The following MYO5A variants were observed in gnomAD, a reference collection of about 807,000 sequenced individuals.
MYO5A encodes myosin VA, also known as unconventional myosin-Va.
MYO5A carries 98 observed loss-of-function variants against 249.7 expected under a neutral mutation model. The ratio of observed to expected loss-of-function variants is 0.39; its 90% CI spans 0.33 to 0.46. The LOEUF is 0.46. Ranked by LOEUF, MYO5A falls within the 20% of genes least tolerant of loss-of-function variation. MYO5A has a pLI of 0.98. For synonymous variants in MYO5A, 778 were observed against 810.6 expected, an observed-to-expected ratio of 0.96 and a Z score of 0.68; for missense variants, 1,696 against 2,308.8, an observed-to-expected ratio of 0.73 and a Z score of 5.44.
intron 1 of MYO5A, among the ~76,000 whole-genome samples, chr15:52,436,705 T>C (rs2075670857): frequency 6.6e-6 from 1 of 152,256 alleles, no homozygotes; most frequent in African/African-American, 2.4e-5. Flanking sequence ...GACACAGAGC[T>C]GGTGCTTAGT....
intron 33 of MYO5A, 89 bp from the exon 34 acceptor site, chr15:52,336,645 C>A (rs932150575): frequency 9.8e-6 from 10 of 1,022,646 alleles, no homozygotes; most frequent in Non-Finnish European, 1.3e-5. Flanking sequence ...ATCACAGAAA[C>A]AACACGTTAG....
chr15:52,396,243 G>A, intron 11 of MYO5A, 73 bp downstream of exon 11: 2 of 924,722 alleles, frequency 2.2e-6, no homozygotes, highest in Non-Finnish European at 3.4e-6. Flanking sequence ...CCAGGGATAA[G>A]CTTTTAAACA....
Position 52,528,874 on chromosome 15 carries a change from G to C in MYO5A, c.-68C>G. 2 of 1,403,648 alleles carry C rather than the reference G, an allele frequency of 1.4e-6. No homozygotes were observed. Among genetic ancestry groups the C allele is most frequent in the Non-Finnish European group, 1.9e-6 (2 of 1,080,820 alleles). The allele number at this position is 1,403,648 out of a possible 1,614,324, so 86.9% of individuals were successfully genotyped here. The stretch of plus-strand genomic sequence containing the variant: ...GCACCTCGCCTGGGCGGCCGCCCGA[G>C]CGGACTAGGAAGCGCCCGCAGCCGC... On this transcript the variant is annotated 5_prime_UTR_variant, in exon 1 of 42. Transcript: ENST00000399233.
intron 1 of MYO5A, among the ~76,000 whole-genome samples, chr15:52,497,617 C>T (rs1361114586): frequency 2.0e-5 from 3 of 150,526 alleles, no homozygotes; most frequent in African/African-American, 4.9e-5. Flanking sequence ...ATTAGCCGGG[C>T]GTGGCAGTGT....
At position 52,504,055 on chromosome 15, in the gene MYO5A, T is replaced by TCCC. The variant is rs55986422; in HGVS notation, c.27+24724_27+24725insGGG. 2.1e-3 allele frequency among the ~76,000 whole-genome samples: 76 copies of TCCC among 35,576 alleles called. 1 individual carries two copies. The highest frequency in any genetic ancestry group is 0.018 in the South Asian group (32 of 1,770). 23.3% of individuals were successfully genotyped at this position (35,576 alleles called of 152,430 possible). On this transcript the variant is annotated intron_variant, in intron 1 of 41. Coordinates refer to ENST00000399233, the MANE Select transcript of MYO5A (RefSeq NM_001382347.1). The stretch of plus-strand genomic sequence containing the variant: ...AGGCTGTTGCTGCTGTTTCTCCTTC[T>TCCC]TTTTTTTTTTTTTTTTTTGCCTTTT...
intron 20 of MYO5A, among the ~76,000 whole-genome samples, chr15:52,373,954 A>AAAATAAAT (rs10692704): frequency 0.039 from 5,832 of 148,268 alleles, 162 homozygotes; most frequent in East Asian, 0.14. Context: ...ACTTCAAATA[A>AAAATAAAT]AAATAAATAA....
chr15:52,392,089 A>G lies in MYO5A; in HGVS notation c.1402-19T>C. The G allele has an allele frequency of 6.2e-7, 1 of 1,604,492 alleles. No individual in the cohort carries two copies. Among genetic ancestry groups the G allele is most frequent in the African/African-American group, 1.3e-5 (1 of 74,924 alleles). Reference sequence around the variant, plus strand: ...AGACATGCTGAAATGAAAAAGAAAAAAAGCAGTCATTACTGGATCATTGTA... The same window carrying G: ...AGACATGCTGAAATGAAAAAGAAAAGAAGCAGTCATTACTGGATCATTGTA... On this transcript the variant is annotated intron_variant, in intron 11 of 41. Transcript: ENST00000399233.
chr15:52,433,683 A>G (rs531530480), intron 1 of MYO5A, among the ~76,000 whole-genome samples: 11 of 152,162 alleles, frequency 7.2e-5, no homozygotes, highest in Non-Finnish European at 1.5e-4. Flanking sequence ...CAGCCTCCCA[A>G]AGTGCTGGGA....
Position 52,312,452 on chromosome 15 carries a change from G to C in MYO5A, c.*1244C>G, listed in dbSNP as rs2037810058. 6.6e-6 allele frequency: 1 copy of C among 152,128 alleles called. No individual in the cohort carries two copies. 9.4% of individuals were successfully genotyped at this position (152,128 alleles called of 1,614,324 possible). ...ATCTCATTGCAATCTCCGCCTCCCA[G>C]GTTTAATCGATTCTCGTGCCTCAGC... is the stretch of plus-strand genomic sequence containing the variant. On this transcript the variant is annotated 3_prime_UTR_variant, in exon 42 of 42. Transcript: ENST00000399233.
intron 1 of MYO5A, among the ~76,000 whole-genome samples, chr15:52,484,822 C>T (rs11857914): frequency 0.15 from 22,414 of 152,038 alleles, 1,779 homozygotes; most frequent in Middle Eastern, 0.22. Context: ...GCCTGGCCAA[C>T]ATGGTGAAAC....
intron 21 of MYO5A, among the ~76,000 whole-genome samples, chr15:52,370,933 G>A (rs1297408502): frequency 6.7e-6 from 1 of 150,096 alleles, no homozygotes; most frequent in Non-Finnish European, 1.5e-5. Context: ...GGCACATAAT[G>A]AGACCCCGTC....
rs760826198 is a variant in MYO5A at position 52,471,951 on chromosome 15, G to A, written c.28-38666C>T. Among the ~76,000 whole-genome samples, 11 of 152,118 alleles carry A rather than the reference G, an allele frequency of 7.2e-5. No individual in the cohort carries two copies. In the South Asian group the frequency reaches 1.9e-3, roughly 26 times the overall value. ...CAGGCTCAAGGAATCCTCCTGCCTC[G>A]GCCTCTTAAAGTGCTAGGATTACAG... On this transcript the variant is annotated intron_variant, in intron 1 of 41. Coordinates refer to ENST00000399233, the MANE Select transcript of MYO5A (RefSeq NM_001382347.1).
intron 4 of MYO5A, among the ~76,000 whole-genome samples, chr15:52,419,534 T>C (rs2043687084): frequency 6.6e-6 from 1 of 152,222 alleles, no homozygotes; most frequent in Non-Finnish European, 1.5e-5. Context: ...CTAAAGTTAA[T>C]ACTAGACAAT....
intron 1 of MYO5A, among the ~76,000 whole-genome samples, chr15:52,465,792 A>C (rs972764522): frequency 6.6e-6 from 1 of 152,216 alleles, no homozygotes; most frequent in East Asian, 1.9e-4. Flanking sequence ...TCATAAACTC[A>C]GAAGAACCAA....
chr15:52,434,559 A>G (rs1052456776), intron 1 of MYO5A, among the ~76,000 whole-genome samples: 2 of 152,192 alleles, frequency 1.3e-5, no homozygotes, highest in South Asian at 4.1e-4. Flanking sequence ...AGGCATGGTA[A>G]TCATCAGGGA....
chr15:52,379,911 A>T lies in MYO5A; in HGVS notation c.2013-3T>A, dbSNP rs761270297. 3.1e-6 allele frequency: 5 copies of T among 1,613,956 alleles called. No homozygotes were observed. In the East Asian group the frequency reaches 8.9e-5, roughly 29 times the overall value. ...GCACTGCCCTCTTCTCATCAAACCT[A>T]CAAATAAAAATCAAAGCTGTTAGTC... On this transcript the variant is annotated splice_region_variant and splice_polypyrimidine_tract_variant and intron_variant, in intron 16 of 41. Transcript: ENST00000399233.
At chr15:52,506,961 A>C (rs917435235) in intron 1 of MYO5A, among the ~76,000 whole-genome samples, 3 of 152,244 alleles carry the variant, frequency 2.0e-5, no homozygotes, top group Non-Finnish European at 4.4e-5. Context: ...ATCACATTAC[A>C]TACTTAAGGA....
At chr15:52,490,515 T>A (rs1407073694) in intron 1 of MYO5A, among the ~76,000 whole-genome samples, 1 of 152,108 alleles carries the variant, frequency 6.6e-6, no homozygotes, top group East Asian at 1.9e-4. Flanking sequence ...CCATATGAAA[T>A]AAGCCAGTCA....
At chr15:52,466,293 G>A (rs2076351036) in intron 1 of MYO5A, among the ~76,000 whole-genome samples, 1 of 152,110 alleles carries the variant, frequency 6.6e-6, no homozygotes, top group African/African-American at 2.4e-5. Flanking sequence ...TGTGGGAGGG[G>A]CTCCCACAGC....
Sources: allele counts gnomAD v4.1 joint callset (sites outside exome capture counted in the v4.1 genomes callset), GRCh38; gene constraint gnomAD v4.1.1; transcripts MANE v1.5; gene names NCBI Gene and HGNC (gene_info 2026-07-23, HGNC 2026-07-21).